Variants in PPFIBP1 observed in about 807,000 individuals in gnomAD.
PPFIBP1 encodes the protein PPFIB scaffold protein 1.
A neutral mutation model predicts 137.8 loss-of-function variants in PPFIBP1; 112 were observed. The ratio of observed to expected loss-of-function variants is 0.81; its 90% CI spans 0.70 to 0.95. PPFIBP1 has a LOEUF of 0.95. PPFIBP1 is among the 40% of genes least tolerant of loss of function. The pLI is 0.00. For synonymous variants in PPFIBP1, 378 were observed against 417.3 expected (o/e 0.91, Z 1.15); for missense variants, 1,083 against 1,196.6 (o/e 0.91, Z 1.40).
chr12:27,647,837 C>CA lies in PPFIBP1; in HGVS notation c.467dup (p.Gln157AlafsTer6). 1 of 1,611,370 alleles carries CA rather than the reference C, an allele frequency of 6.2e-7. No individual in the cohort carries two copies. Among genetic ancestry groups the CA allele is most frequent in the East Asian group, 2.2e-5 (1 of 44,704 alleles). ...GGTGAATGCCACAGAAGAAATGCTGCAGCAGGTATGTGCAGAGGCCAGAAC... is the reference window on the plus strand; with the variant it reads ...GGTGAATGCCACAGAAGAAATGCTGCAAGCAGGTATGTGCAGAGGCCAGAAC... On this transcript the variant is annotated frameshift_variant, in exon 6 of 30. Coordinates refer to ENST00000228425, the MANE Select transcript of PPFIBP1 (RefSeq NM_003622.4). LOFTEE classifies it high-confidence loss of function.
At chr12:27,538,161 C>G (rs921100874) in intron 1 of PPFIBP1, 1 of 152,262 alleles carries the variant, frequency 6.6e-6, no homozygotes, top group Non-Finnish European at 1.5e-5. Context: ...TCCAGCAAAC[C>G]TTTCTGTTTT....
intron 19 of PPFIBP1, chr12:27,677,625 A>C (rs1264741629): frequency 6.5e-6 from 1 of 152,992 alleles, no homozygotes. Flanking sequence ...TAGTGATGAC[A>C]GAAGCAACTT....
At chr12:27,571,484 C>T (rs1388543797) in intron 1 of PPFIBP1, among the ~76,000 whole-genome samples, 2 of 151,174 alleles carry the variant, frequency 1.3e-5, no homozygotes, top group Non-Finnish European at 2.9e-5. Flanking sequence ...ATTTTTTTTT[C>T]CCTCAAACAC....
chr12:27,571,641 A>G (rs2050157975), intron 1 of PPFIBP1, among the ~76,000 whole-genome samples: 1 of 152,202 alleles, frequency 6.6e-6, no homozygotes, highest in South Asian at 2.1e-4. Flanking sequence ...CAGACCTATG[A>G]TGACCTCACT....
At chr12:27,678,955 T>C (rs1190934216) in intron 19 of PPFIBP1, among the ~76,000 whole-genome samples, 1 of 150,838 alleles carries the variant, frequency 6.6e-6, no homozygotes, top group Admixed American at 6.6e-5. Flanking sequence ...ACACACTGAA[T>C]TGGGAATATC....
intron 9 of PPFIBP1, 43 bp from the exon 10 acceptor site, chr12:27,658,773 G>T (rs745452107): frequency 1.9e-5 from 30 of 1,559,978 alleles, no homozygotes; most frequent in Non-Finnish European, 2.5e-5. Flanking sequence ...ACTTATTGTT[G>T]TAATGTATGC....
intron 1 of PPFIBP1, among the ~76,000 whole-genome samples, chr12:27,569,690 C>G (rs758538612): frequency 2.0e-5 from 3 of 152,140 alleles, no homozygotes; most frequent in Non-Finnish European, 2.9e-5. Flanking sequence ...TCCCGAGTAA[C>G]TGGGATTACA....
chr12:27,598,734 A>G lies in PPFIBP1; in HGVS notation c.-36+20495A>G, dbSNP rs868459103. ...CTTAGGATGCCATGCTGAGGAATGT[A>G]GTCACTTCTAAATGGTAACTCCACT... On this transcript the variant is annotated intron_variant, in intron 2 of 29. Coordinates refer to ENST00000228425, the MANE Select transcript of PPFIBP1 (RefSeq NM_003622.4). 2.0e-5 allele frequency among the ~76,000 whole-genome samples: 3 copies of G among 152,332 alleles called. No homozygotes were observed. In the South Asian group the frequency reaches 6.2e-4, roughly 32 times the overall value.
At chr12:27,611,989 C>T (rs2055173922) in intron 2 of PPFIBP1, among the ~76,000 whole-genome samples, 1 of 152,220 alleles carries the variant, frequency 6.6e-6, no homozygotes, top group Non-Finnish European at 1.5e-5. Flanking sequence ...CTGTAGTGTG[C>T]TTTCACTGGA....
At chr12:27,600,451 AT>A (rs1167030482) in intron 2 of PPFIBP1, among the ~76,000 whole-genome samples, 1 of 150,532 alleles carries the variant, frequency 6.6e-6, no homozygotes, top group Non-Finnish European at 1.5e-5. Context: ...AAAAAAAAAA[AT>A]AGTTAGAAGA....
chr12:27,533,345 A>G (rs1012128051), intron 1 of PPFIBP1, among the ~76,000 whole-genome samples: 1 of 152,214 alleles, frequency 6.6e-6, no homozygotes, highest in Non-Finnish European at 1.5e-5. Flanking sequence ...CTTACCTGGT[A>G]GGTTATACTT....
chr12:27,575,176 C>T (rs568991802), intron 1 of PPFIBP1, among the ~76,000 whole-genome samples: 35 of 152,330 alleles, frequency 2.3e-4, no homozygotes, highest in African/African-American at 8.2e-4. Flanking sequence ...TACTACTCAA[C>T]TCTGTTATTG....
intron 1 of PPFIBP1, chr12:27,547,908 T>C (rs1222036107): frequency 6.6e-6 from 1 of 152,144 alleles, no homozygotes; most frequent in African/African-American, 2.4e-5. Context: ...TGGAGCAATA[T>C]AGTGTCTACT....
At chr12:27,665,112 C>T (rs760428734) in intron 12 of PPFIBP1, among the ~76,000 whole-genome samples, 8 of 152,060 alleles carry the variant, frequency 5.3e-5, no homozygotes, top group Non-Finnish European at 5.9e-5. Context: ...CGCCTGAACC[C>T]GGGAAGCGGA....
At position 27,679,567 on chromosome 12, in the gene PPFIBP1, G is replaced by A; in HGVS notation, c.1694G>A (p.Ser565Asn). 6.2e-7 allele frequency: 1 copy of A among 1,613,800 alleles called. No homozygotes were observed. Among genetic ancestry groups the A allele is most frequent in the Non-Finnish European group, 8.5e-7 (1 of 1,179,672 alleles). Residue 565 changes from serine (S) to asparagine (N), a missense_variant, in exon 20 of 30, where the codon AGT (serine) becomes AAT (asparagine). Transcript: ENST00000228425. The part of the protein sequence containing the change: ...SSRPKDSQRN[S>N]PFQIPPPSPD... ...CGGCCAAAAGATTCACAGAGGAACA[G>A]TCCCTTCCAGATACCGCCTCCATCT...
intron 2 of PPFIBP1, among the ~76,000 whole-genome samples, chr12:27,619,657 G>A (rs976486843): frequency 6.6e-6 from 1 of 152,166 alleles, no homozygotes; most frequent in Non-Finnish European, 1.5e-5. Flanking sequence ...TCTTGAGTTT[G>A]TCCTTTCTCC....
chr12:27,614,208 T>C (rs2055489613), intron 2 of PPFIBP1, among the ~76,000 whole-genome samples: 1 of 152,034 alleles, frequency 6.6e-6, no homozygotes, highest in Non-Finnish European at 1.5e-5. Flanking sequence ...GGAGACCTTG[T>C]CTCTACCAAA....
At chr12:27,654,966 A>C (rs1245913863) in intron 8 of PPFIBP1, 152 bp downstream of exon 8, 1 of 1,323,306 alleles carries the variant, frequency 7.6e-7, no homozygotes, top group Non-Finnish European at 1.0e-6. Context: ...GGAAACCTTG[A>C]ATTTAAGCAC....
intron 1 of PPFIBP1, among the ~76,000 whole-genome samples, chr12:27,528,340 C>T (rs1207050121): frequency 6.6e-6 from 1 of 152,186 alleles, no homozygotes; most frequent in Non-Finnish European, 1.5e-5. Context: ...ACAATTAAAT[C>T]AGTTATCAAA....
Sources: gnomAD v4.1 joint callset for allele counts (sites outside exome capture counted in the v4.1 genomes callset) on GRCh38, gnomAD v4.1.1 for gene constraint, MANE v1.5 for transcripts, NCBI Gene and HGNC (gene_info 2026-07-23, HGNC 2026-07-21) for gene names.